CDKAL1: variants seen among roughly 807,000 people sequenced by gnomAD.
The protein encoded by CDKAL1 is threonylcarbamoyladenosine tRNA methylthiotransferase.
CDKAL1 carries 32 observed loss-of-function variants against 68.2 expected under a neutral mutation model. The ratio of observed to expected loss-of-function variants is 0.47; its 90% CI spans 0.35 to 0.63. The LOEUF is 0.63. Among genes scored for constraint, CDKAL1 ranks in the 30% least tolerant of loss-of-function variants. The pLI is 0.00. For synonymous variants in CDKAL1, 234 were observed against 244.3 expected, an observed-to-expected ratio of 0.96 and a Z score of 0.39; for missense variants, 606 against 696.7, an observed-to-expected ratio of 0.87 and a Z score of 1.47.
intron 8 of CDKAL1, among the ~76,000 whole-genome samples, chr6:20,792,183 T>C (rs1490053366): frequency 6.6e-6 from 1 of 152,156 alleles, no homozygotes; most frequent in Non-Finnish European, 1.5e-5. Flanking sequence ...TTTCTAACCC[T>C]GACAAAGCAG....
At chr6:20,879,526 A>G (rs1017021059) in intron 9 of CDKAL1, among the ~76,000 whole-genome samples, 2 of 152,216 alleles carry the variant, frequency 1.3e-5, no homozygotes, top group Non-Finnish European at 2.9e-5. Flanking sequence ...AGAACTAGAG[A>G]TTCAAAGATT....
At chr6:21,148,401 C>T (rs576281632) in intron 13 of CDKAL1, among the ~76,000 whole-genome samples, 1 of 152,254 alleles carries the variant, frequency 6.6e-6, no homozygotes, top group South Asian at 2.1e-4. Context: ...GTATTAATCA[C>T]CTATTAATCA....
intron 8 of CDKAL1, among the ~76,000 whole-genome samples, chr6:20,795,647 C>T (rs912806998): frequency 3.9e-5 from 6 of 152,134 alleles, no homozygotes; most frequent in Non-Finnish European, 5.9e-5. Flanking sequence ...TTTCTTAGTA[C>T]ATAGACTTAA....
chr6:20,925,807 A>G (rs759485174), intron 9 of CDKAL1, among the ~76,000 whole-genome samples: 6 of 152,174 alleles, frequency 3.9e-5, no homozygotes, highest in Admixed American at 2.0e-4. Flanking sequence ...TATTAGTTAC[A>G]GAGTACTGTG....
intron 9 of CDKAL1, among the ~76,000 whole-genome samples, chr6:20,925,107 A>G (rs756458373): frequency 1.2e-4 from 18 of 152,304 alleles, no homozygotes; most frequent in South Asian, 2.1e-4. Flanking sequence ...GGGCATCCCA[A>G]CCTTCACCAA....
intron 4 of CDKAL1, among the ~76,000 whole-genome samples, chr6:20,601,340 T>A (rs1162456857): frequency 6.6e-6 from 1 of 152,222 alleles, no homozygotes; most frequent in Non-Finnish European, 1.5e-5. Flanking sequence ...TCTTATTTTT[T>A]CTTTTAGATA....
At chr6:21,118,100 A>G (rs1233079247) in intron 13 of CDKAL1, among the ~76,000 whole-genome samples, 1 of 152,128 alleles carries the variant, frequency 6.6e-6, no homozygotes, top group Non-Finnish European at 1.5e-5. Context: ...GAATTTTCCA[A>G]TCTCTCCCTA....
rs1162272560 is a variant in CDKAL1 at position 21,153,235 on chromosome 6, C to CTT, written c.1300-44764_1300-44763dup. On this transcript the variant is annotated intron_variant, in intron 13 of 15. Transcript: ENST00000274695. ...TTGGCAGGGTAGAGGTATGTGATTT[C>CTT]TTTTTTTTTTTTTTTTTTTTTTTAA... Among the ~76,000 whole-genome samples, 891 of 96,182 alleles carry CTT rather than the reference C, an allele frequency of 9.3e-3. 17 individuals are homozygous for CTT. The highest frequency in any genetic ancestry group is 0.027 in the African/African-American group (746 of 27,214). 63.1% of individuals were successfully genotyped at this position (96,182 alleles called of 152,430 possible). A position where few individuals can be genotyped will look rare whatever the true frequency, so the allele number is the denominator to read the frequency against.
At chr6:21,082,874 G>T (rs372178984) in intron 12 of CDKAL1, among the ~76,000 whole-genome samples, 77 of 129,120 alleles carry the variant, frequency 6.0e-4, no homozygotes, top group Middle Eastern at 4.1e-3. Context: ...TGTTTCTTTT[G>T]TTTTTTTTTT....
chr6:21,190,253 C>G (rs963380758), intron 13 of CDKAL1, among the ~76,000 whole-genome samples: 2 of 152,150 alleles, frequency 1.3e-5, no homozygotes, highest in Admixed American at 6.5e-5. Context: ...AAAGGCAAAA[C>G]TTAGCTGCAG....
Position 20,875,207 on chromosome 6 carries a change from G to A in CDKAL1, c.742+29029G>A, listed in dbSNP as rs376768626. Among the ~76,000 whole-genome samples the A allele has an allele frequency of 1.6e-3, 246 of 150,626 alleles. 8 individuals are homozygous for A. The South Asian group carries it at 0.049, about 30-fold the overall frequency. ...CCAGCTACTCGGGAGGCTGAGGCAG[G>A]AGAATGGCGTGAACCCGGGAAGCGG... On this transcript the variant is annotated intron_variant, in intron 9 of 15. Transcript: ENST00000274695.
At chr6:21,165,193 A>G (rs1458881217) in intron 13 of CDKAL1, among the ~76,000 whole-genome samples, 2 of 152,146 alleles carry the variant, frequency 1.3e-5, no homozygotes, top group African/African-American at 4.8e-5. Flanking sequence ...GAGAAGAAGG[A>G]CCATTTTGTT....
At chr6:20,791,328 C>T (rs1016138703) in intron 8 of CDKAL1, among the ~76,000 whole-genome samples, 6 of 152,172 alleles carry the variant, frequency 3.9e-5, no homozygotes, top group Non-Finnish European at 5.9e-5. Context: ...ACTATGATAG[C>T]TATGAGAAGG....
intron 13 of CDKAL1, among the ~76,000 whole-genome samples, chr6:21,126,603 C>A (rs1775027427): frequency 6.6e-6 from 1 of 152,170 alleles, no homozygotes; most frequent in Non-Finnish European, 1.5e-5. Flanking sequence ...GCTTGTACTG[C>A]AGCTCCCACC....
intron 9 of CDKAL1, among the ~76,000 whole-genome samples, chr6:20,849,341 T>A (rs896812448): frequency 2.6e-5 from 4 of 151,828 alleles, no homozygotes; most frequent in Non-Finnish European, 5.9e-5. Flanking sequence ...CCCAGCACTT[T>A]GGGAGGCCAA....
chr6:20,967,536 G>A (rs1223350752), intron 10 of CDKAL1, among the ~76,000 whole-genome samples: 2 of 151,846 alleles, frequency 1.3e-5, no homozygotes, highest in Non-Finnish European at 2.9e-5. Context: ...TCTTTTTGTT[G>A]TTACTGTCAT....
intron 4 of CDKAL1, among the ~76,000 whole-genome samples, chr6:20,587,778 A>G (rs1370788158): frequency 6.7e-6 from 1 of 149,990 alleles, no homozygotes; most frequent in South Asian, 2.1e-4. Context: ...AACCAACTCA[A>G]TACACCAGAA....
chr6:21,106,217 A>C (rs1245650036), intron 12 of CDKAL1, among the ~76,000 whole-genome samples: 2 of 152,230 alleles, frequency 1.3e-5, no homozygotes, highest in Non-Finnish European at 2.9e-5. Context: ...AAAAGTTTGC[A>C]TTTGTAAAGT....
rs539494842 is a variant in CDKAL1, at chr6:20,739,337, T to A, written c.372-182T>A. ...GGACTGCTGTTGTGTTCTTTAATGC[T>A]GCGATAAATAGACATATTGTACAGA... On this transcript the variant is annotated intron_variant, in intron 5 of 15. Transcript: ENST00000274695. Among the ~76,000 whole-genome samples, 3 of 152,366 alleles carry A rather than the reference T, an allele frequency of 2.0e-5. No homozygotes were observed. In the South Asian group the frequency reaches 6.2e-4, roughly 32 times the overall value.
Sources: allele counts gnomAD v4.1 joint callset (sites outside exome capture counted in the v4.1 genomes callset), GRCh38; gene constraint gnomAD v4.1.1; transcripts MANE v1.5; gene names NCBI Gene and HGNC (gene_info 2026-07-23, HGNC 2026-07-21).